The following MEX3B variants were observed in gnomAD, a reference collection of about 807,000 sequenced individuals.
The protein encoded by MEX3B is RNA-binding protein MEX3B.
Under a neutral mutation model 12.2 loss-of-function variants are expected in MEX3B, and 10 were observed. That is an observed-to-expected ratio of 0.82 (90% CI 0.51 to 1.40). MEX3B has a LOEUF of 1.40. MEX3B is among the 40% of genes most tolerant of loss of function. The pLI, the probability that MEX3B is intolerant of heterozygous loss-of-function variation, is 0.00. For missense variants in MEX3B, 839 were observed against 801.4 expected, an observed-to-expected ratio of 1.05 and a Z score of -0.57; for synonymous variants, 498 against 356.3, an observed-to-expected ratio of 1.40 and a Z score of -4.48.
rs1277840065 is a variant in MEX3B, at chr15:82,043,845, T to C, written c.1025A>G (p.Tyr342Cys). ...NNNNNGNGYT[Y>C]TAGGEASVPS... ...CACTGAGGCTTCTCCCCCCGCTGTG[T>C]AGGTGTACCCATTGCCGTTATTGTT... is the stretch of plus-strand genomic sequence containing the variant. The change falls in exon 2 of 2, where the codon TAC becomes TGC. Residue 342 changes from tyrosine (Y) to cysteine (C), a missense_variant. Tyr to Cys is a radical substitution (Grantham distance 194). Transcript: ENST00000329713. 3.1e-6 allele frequency: 5 copies of C among 1,593,504 alleles called. No homozygotes were observed. The highest frequency in any genetic ancestry group is 2.7e-5 in the African/African-American group (2 of 74,556).
rs1249112246 is a variant in MEX3B at position 82,045,624 on chromosome 15, G to C, written c.82C>G (p.Leu28Val). The part of the protein sequence containing the change: ...GGGSSGGGET[L>V]DDQRALQLAL... ...AGCTGCAGGGCTCTTTGGTCATCCA[G>C]GGTCTCTCCCCCTCCGCTGCTGCCG... Residue 28 changes from leucine to valine, a missense_variant, in exon 1 of 2, where the codon CTG (leucine) becomes GTG (valine). Physicochemically the swap from Leu to Val is conservative, Grantham distance 32 (BLOSUM62 1). Coordinates refer to ENST00000329713, the MANE Select transcript of MEX3B (RefSeq NM_032246.6). The C allele has an allele frequency of 1.9e-6, 3 of 1,600,260 alleles. No homozygotes were observed. The South Asian group carries it at 3.3e-5, about 18-fold the overall frequency.
In MEX3B at chr15:82,042,483, AT is replaced by A. The variant is rs35065650; in HGVS notation, c.*676del. ...AAACATCTTTGCAATATGAAATATAATTTTTCAAGTCAAAAAAGAATAAAAT... is the reference window on the plus strand; with the variant it reads ...AAACATCTTTGCAATATGAAATATAATTTTCAAGTCAAAAAAGAATAAAAT... On this transcript the variant is annotated 3_prime_UTR_variant, in exon 2 of 2. Transcript: ENST00000329713. 6.6e-6 allele frequency: 1 copy of A among 152,618 alleles called. No homozygotes were observed. Among genetic ancestry groups the A allele is most frequent in the Non-Finnish European group, 1.5e-5 (1 of 68,044 alleles). The allele number at this position is 152,618 out of a possible 1,614,324, so 9.5% of individuals were successfully genotyped here. A position where few individuals can be genotyped will look rare whatever the true frequency, so the allele number is the denominator to read the frequency against.
chr15:82,045,120 C>T, intron 1 of MEX3B: 1 of 602,022 alleles, frequency 1.7e-6, no homozygotes, highest in South Asian at 2.0e-5. Context: ...CCTCCTCCTT[C>T]CTCCTCCCAA....
In MEX3B at chr15:82,043,799, G is replaced by T. The variant is rs781691943; in HGVS notation, c.1071C>A (p.Pro357=). ...EASVPSPDGC[P]ELQPTFDPAP... is the part of the protein sequence containing the mutation. ...CCGGGTCAAAAGTGGGCTGCAGCTCGGGGCAGCCGTCGGGGGATGGCACTG... is the reference window on the plus strand; with the variant it reads ...CCGGGTCAAAAGTGGGCTGCAGCTCTGGGCAGCCGTCGGGGGATGGCACTG... Residue 357 remains proline (P), a synonymous_variant, in exon 2 of 2, where the codon CCC becomes CCA. Coordinates refer to ENST00000329713, the MANE Select transcript of MEX3B (RefSeq NM_032246.6). The T allele has an allele frequency of 6.3e-7, 1 of 1,584,018 alleles. No homozygotes were observed. Among genetic ancestry groups the T allele is most frequent in the Non-Finnish European group, 8.6e-7 (1 of 1,165,788 alleles).
chr15:82,045,662 C>T lies in MEX3B; in HGVS notation c.44G>A (p.Gly15Asp), dbSNP rs1358383283. 1.3e-6 allele frequency: 2 copies of T among 1,560,522 alleles called. No individual in the cohort carries two copies. The highest frequency in any genetic ancestry group is 2.3e-5 in the South Asian group (2 of 86,122). ...LFADLERNGSGGGGGGSSGGG... is the reference protein window; with the variant it reads ...LFADLERNGSDGGGGGSSGGG... Reference sequence around the variant, plus strand: ...TCCGCTGCTGCCGCCGCCGCCGCCGCCGCTGCCGTTGCGCTCCAGGTCTGC... The same window carrying T: ...TCCGCTGCTGCCGCCGCCGCCGCCGTCGCTGCCGTTGCGCTCCAGGTCTGC... The change falls in exon 1 of 2, where the codon GGC (glycine) becomes GAC (aspartate). Residue 15 changes from glycine (G) to aspartate (D), a missense_variant. Gly to Asp is a moderately conservative substitution (Grantham distance 94). This residue lies in a region of MEX3B where 214 missense variants were observed against 223.8 expected (regional missense o/e 0.96). Transcript: ENST00000329713.
chr15:82,043,325 G>C lies in MEX3B; in HGVS notation c.1545C>G (p.Ser515Arg). 1.2e-6 allele frequency: 2 copies of C among 1,606,574 alleles called. No individual in the cohort carries two copies. Among genetic ancestry groups the C allele is most frequent in the Middle Eastern group, 3.3e-4 (2 of 6,022 alleles). ...SSSSGLRRKG[S>R]RDCSVCFESE... ...TCTCGAAGCACACGGAGCAGTCGCG[G>C]CTGCCTTTACGCCGAAGCCCGGAGG... The change falls in exon 2 of 2, where the codon AGC (serine) becomes AGG (arginine). Residue 515 changes from serine to arginine, a missense_variant. Transcript: ENST00000329713.
In MEX3B at chr15:82,044,873, A is replaced by C; in HGVS notation, c.257-260T>G. 1 of 584,312 alleles carries C rather than the reference A, an allele frequency of 1.7e-6. No individual in the cohort carries two copies. The highest frequency in any genetic ancestry group is 3.1e-6 in the Non-Finnish European group (1 of 327,466). The allele number at this position is 584,312 out of a possible 1,614,324, so 36.2% of individuals were successfully genotyped here. A position where few individuals can be genotyped will look rare whatever the true frequency, so the allele number is the denominator to read the frequency against. On this transcript the variant is annotated intron_variant, in intron 1 of 1. Transcript: ENST00000329713. This position sits in a 1 kb window ranked among gnomAD's most constrained non-coding sequence, Gnocchi z 5.3. The stretch of plus-strand genomic sequence containing the variant: ...CAGTGACTGCAGTCGTCCCGAACCA[A>C]ACCCGAGAATCCCAGAAAAGTCATC...
Position 82,043,026 on chromosome 15 carries a change from CAG to C in MEX3B, c.*132_*133del, listed in dbSNP as rs2073229284. The C allele has an allele frequency of 3.0e-6, 2 of 667,520 alleles. No individual in the cohort carries two copies. The highest frequency in any genetic ancestry group is 1.9e-5 in the African/African-American group (1 of 53,736). 41.3% of individuals were successfully genotyped at this position (667,520 alleles called of 1,614,324 possible). A position where few individuals can be genotyped will look rare whatever the true frequency, so the allele number is the denominator to read the frequency against. ...AGCTTTCCAAGCTCCTCTCGGATCT[CAG>C]AGTGTTGGTGGGGCCGGGAAGGAGA... is the stretch of plus-strand genomic sequence containing the variant. On this transcript the variant is annotated 3_prime_UTR_variant, in exon 2 of 2. Coordinates refer to ENST00000329713, the MANE Select transcript of MEX3B (RefSeq NM_032246.6).
chr15:82,043,373 G>A lies in MEX3B; in HGVS notation c.1497C>T (p.Ser499=). 2 of 1,588,498 alleles carry A rather than the reference G, an allele frequency of 1.3e-6. No homozygotes were observed. Among genetic ancestry groups the A allele is most frequent in the South Asian group, 1.2e-5 (1 of 86,242 alleles). The change falls in exon 2 of 2, where the codon TCC becomes TCT. Residue 499 remains serine (S), a synonymous_variant. Transcript: ENST00000329713. ...AGGAAGAGGATGAAGAGCTGGAGGAGGAGCTGGACGAAGAGGAGGAGCCCG... is the reference window on the plus strand; with the variant it reads ...AGGAAGAGGATGAAGAGCTGGAGGAAGAGCTGGACGAAGAGGAGGAGCCCG... ...DTSGSSSSSS[S]SSSSSSSSSG...
In MEX3B at chr15:82,043,274, G is replaced by A. The variant is rs941680488; in HGVS notation, c.1596C>T (p.Pro532=). 3.7e-6 allele frequency: 6 copies of A among 1,611,896 alleles called. No homozygotes were observed. The highest frequency in any genetic ancestry group is 5.1e-6 in the Non-Finnish European group (6 of 1,178,930). ...FESEVIAALV[P]CGHNLFCMEC... is the part of the protein sequence containing the mutation. ...CCATGCAGAAGAGGTTGTGGCCACAGGGCACCAGCGCGGCAATCACTTCGC... is the reference window on the plus strand; with the variant it reads ...CCATGCAGAAGAGGTTGTGGCCACAAGGCACCAGCGCGGCAATCACTTCGC... Residue 532 remains proline (P), a synonymous_variant, in exon 2 of 2, where the codon CCC becomes CCT. Coordinates refer to ENST00000329713, the MANE Select transcript of MEX3B (RefSeq NM_032246.6).
At position 82,042,911 on chromosome 15, in the gene MEX3B, C is replaced by T. The variant is rs1047722647; in HGVS notation, c.*249G>A. The T allele has an allele frequency of 1.1e-5, 4 of 363,988 alleles. No individual in the cohort carries two copies. Among genetic ancestry groups the T allele is most frequent in the African/African-American group, 8.3e-5 (4 of 47,984 alleles). 22.5% of individuals were successfully genotyped at this position (363,988 alleles called of 1,614,324 possible). A position where few individuals can be genotyped will look rare whatever the true frequency, so the allele number is the denominator to read the frequency against. On this transcript the variant is annotated 3_prime_UTR_variant, in exon 2 of 2. Transcript: ENST00000329713. ...TTATAGAGCATGCATTTCAGGTGTTCAGGTTTCCCAGGCTACAGTACTCTT... is the reference window on the plus strand; with the variant it reads ...TTATAGAGCATGCATTTCAGGTGTTTAGGTTTCCCAGGCTACAGTACTCTT...
At position 82,044,476 on chromosome 15, in the gene MEX3B, C is replaced by A; in HGVS notation, c.394G>T (p.Glu132Ter). Residue 132 changes from glutamate to a stop codon, truncating the protein, a stop_gained, in exon 2 of 2, where the codon GAG (glutamate) becomes TAG (stop). Coordinates refer to ENST00000329713, the MANE Select transcript of MEX3B (RefSeq NM_032246.6). LOFTEE classifies it low-confidence loss of function (END_TRUNC). This position sits in a 1 kb window ranked among gnomAD's most constrained non-coding sequence, Gnocchi z 5.3. The stretch of plus-strand genomic sequence containing the variant: ...GAGGCGCGGATCATGGAGAAGTGCT[C>A]GGCAGCAGAGATGATCTCCCTCCGA... ...MARREIISAA[E>*]HFSMIRASRN... 1 of 1,613,772 alleles carries A rather than the reference C, an allele frequency of 6.2e-7. No homozygotes were observed.
rs559805893 is a variant in MEX3B, at chr15:82,044,645, A to G, written c.257-32T>C. Reference sequence around the variant, plus strand: ...ACCAGGGTGCGGAGGAGGGAGTGGGAGAGAGAGACAGACACGCCCATTATC... The same window carrying G: ...ACCAGGGTGCGGAGGAGGGAGTGGGGGAGAGAGACAGACACGCCCATTATC... On this transcript the variant is annotated intron_variant, in intron 1 of 1. Transcript: ENST00000329713. The surrounding 1 kb of genome is among the most constrained non-coding windows in gnomAD (Gnocchi z 5.3). 20 of 1,606,724 alleles carry G rather than the reference A, an allele frequency of 1.2e-5. No homozygotes were observed. Among genetic ancestry groups the G allele is most frequent in the African/African-American group, 2.7e-5 (2 of 74,872 alleles).
rs1466330699 is a variant in MEX3B at position 82,043,190 on chromosome 15, C to A, written c.1680G>T (p.Ala560=). ...SEPECPVCHT[A]VTQAIRIFS ...AAAAGATGCGGATGGCCTGAGTGAC[C>A]GCGGTGTGGCAGACCGGGCACTCGG... Residue 560 remains alanine, a synonymous_variant, in exon 2 of 2, where the codon GCG becomes GCT. Coordinates refer to ENST00000329713, the MANE Select transcript of MEX3B (RefSeq NM_032246.6). 3.2e-6 allele frequency: 5 copies of A among 1,552,608 alleles called. No individual in the cohort carries two copies. The East Asian group carries it at 9.1e-5, about 28-fold the overall frequency.
At position 82,043,761 on chromosome 15, in the gene MEX3B, G is replaced by C. The variant is rs766379248; in HGVS notation, c.1109C>G (p.Pro370Arg). 2.5e-5 allele frequency: 40 copies of C among 1,570,176 alleles called. No homozygotes were observed. Among genetic ancestry groups the C allele is most frequent in the East Asian group, 1.3e-4 (6 of 44,620 alleles). ...GGCCCAGATAAGTGGTGCCCCAGGT[G>C]GGGGAGCGGGAGCCGGGTCAAAAGT... is the stretch of plus-strand genomic sequence containing the variant. The part of the protein sequence containing the change: ...QPTFDPAPAP[P>R]PGAPLIWAQF... The change falls in exon 2 of 2, where the codon CCA becomes CGA. Residue 370 changes from proline to arginine, a missense_variant. Transcript: ENST00000329713.
Position 82,044,637 on chromosome 15 carries a change from G to A in MEX3B, c.257-24C>T, listed in dbSNP as rs776630562. 5.6e-6 allele frequency: 9 copies of A among 1,612,738 alleles called. No homozygotes were observed. Among genetic ancestry groups the A allele is most frequent in the African/African-American group, 5.3e-5 (4 of 74,918 alleles). On this transcript the variant is annotated intron_variant, in intron 1 of 1. Transcript: ENST00000329713. This position sits in a 1 kb window ranked among gnomAD's most constrained non-coding sequence, Gnocchi z 5.3. ...ACCTACGAACCAGGGTGCGGAGGAG[G>A]GAGTGGGAGAGAGAGACAGACACGC...
Position 82,043,654 on chromosome 15 carries a change from A to T in MEX3B, c.1216T>A (p.Ser406Thr), listed in dbSNP as rs751408059. 1.9e-6 allele frequency: 3 copies of T among 1,611,160 alleles called. No homozygotes were observed. Among genetic ancestry groups the T allele is most frequent in the Non-Finnish European group, 2.5e-6 (3 of 1,178,766 alleles). Residue 406 changes from serine (S) to threonine (T), a missense_variant, in exon 2 of 2, where the codon TCC (serine) becomes ACC (threonine). Physicochemically the swap from Ser to Thr is moderately conservative, Grantham distance 58 (BLOSUM62 1). Around this residue, in one of 3 missense-constraint regions of MEX3B, gnomAD observed 573 missense variants for 488.9 expected, o/e 1.17. Coordinates refer to ENST00000329713, the MANE Select transcript of MEX3B (RefSeq NM_032246.6). Reference protein sequence around the residue: ...CSSSASSSASSSSVVFPGGGA... With the variant: ...CSSSASSSASTSSVVFPGGGA... ...CCCCCGGGGAAGACCACGGAGGAGG[A>T]AGAAGCAGACGAAGATGCAGAAGAA...
chr15:82,045,421 A>AACCCCC, intron 1 of MEX3B, 29 bp downstream of exon 1: 1 of 697,296 alleles, frequency 1.4e-6, no homozygotes, highest in Non-Finnish European at 2.2e-6. Context: ...CACCACCCCC[A>AACCCCC]CCCACCTCCC....
rs2073228236 is a variant in MEX3B, at chr15:82,042,847, TA to T, written c.*312del. The T allele has an allele frequency of 4.3e-6, 1 of 232,298 alleles. No homozygotes were observed. Among genetic ancestry groups the T allele is most frequent in the Non-Finnish European group, 8.3e-6 (1 of 120,846 alleles). The allele number at this position is 232,298 out of a possible 1,614,324, so 14.4% of individuals were successfully genotyped here. On this transcript the variant is annotated 3_prime_UTR_variant, in exon 2 of 2. Coordinates refer to ENST00000329713, the MANE Select transcript of MEX3B (RefSeq NM_032246.6). ...TGGAAGCTTCCTATTAAGTACAGTG[TA>T]AAAACTATCATTACTAGAATGTCGC...
Sources: gnomAD v4.1 joint callset for allele counts on GRCh38, gnomAD v4.1.1 for gene constraint, gnomAD v4.1.1 regional missense constraint, Gnocchi (gnomAD v3.1) non-coding constraint, MANE v1.5 for transcripts, NCBI Gene and HGNC (gene_info 2026-07-23, HGNC 2026-07-21) for gene names.